Variants in TENM3 observed in about 807,000 individuals in gnomAD.
TENM3 encodes teneurin-3.
In TENM3, 63 loss-of-function variants were observed where a neutral mutation model predicts 255.1. The ratio of observed to expected loss-of-function variants is 0.25; its 90% confidence interval spans 0.20 to 0.30. The LOEUF (loss-of-function observed/expected upper bound fraction) is 0.30, where lower values mean the gene tolerates loss of function less well. Ranked by LOEUF, TENM3 falls within the 10% of genes least tolerant of loss-of-function variation. TENM3 has a pLI of 1.00. For missense variants in TENM3, 2,929 were observed against 3,461.1 expected, an observed-to-expected ratio of 0.85 and a Z score of 3.86; for synonymous variants, 1,306 against 1,322.3, an observed-to-expected ratio of 0.99 and a Z score of 0.27.
At chr4:182,100,391 C>T in the TENM3 span, among the ~76,000 whole-genome samples, 1 of 147,036 alleles carries the variant, frequency 6.8e-6, no homozygotes, top group African/African-American at 2.5e-5. Context: ...CACTTCAGGC[C>T]AGGAGTTAAC....
At chr4:182,175,808 C>T (rs112439451) in intron 1 of TENM3, among the ~76,000 whole-genome samples, 117 of 152,280 alleles carry the variant, frequency 7.7e-4, no homozygotes, top group African/African-American at 2.5e-3. Context: ...AAAGCCAACA[C>T]GCTTTTGCAT....
chr4:182,770,958 A>G (rs1362668951), intron 22 of TENM3, among the ~76,000 whole-genome samples: 6 of 152,172 alleles, frequency 3.9e-5, no homozygotes, highest in Non-Finnish European at 8.8e-5. Flanking sequence ...CCAGGGCTAA[A>G]CTGTTAAGCT....
chr4:181,852,482 T>G, the TENM3 span, among the ~76,000 whole-genome samples: 1 of 152,184 alleles, frequency 6.6e-6, no homozygotes, highest in South Asian at 2.1e-4. Context: ...ACTTTTCCTA[T>G]TTAAAATCAA....
intron 3 of TENM3, among the ~76,000 whole-genome samples, chr4:182,492,142 T>G (rs548437200): frequency 3.3e-5 from 5 of 152,176 alleles, no homozygotes; most frequent in Non-Finnish European, 7.4e-5. Flanking sequence ...CCTTATAAGC[T>G]TGAATTTATC....
At chr4:182,637,632 G>A (rs558419451) in intron 5 of TENM3, among the ~76,000 whole-genome samples, 79 of 152,244 alleles carry the variant, frequency 5.2e-4, no homozygotes, top group Admixed American at 8.5e-4. Context: ...TCATTCATCC[G>A]TCATTCATTC....
chr4:181,482,127 T>G, the TENM3 span, among the ~76,000 whole-genome samples: 1 of 152,270 alleles, frequency 6.6e-6, no homozygotes, highest in South Asian at 2.1e-4. Context: ...TTTTATTTTT[T>G]GACTGACATA....
the TENM3 span, among the ~76,000 whole-genome samples, chr4:181,896,994 C>T: frequency 3.9e-5 from 6 of 152,284 alleles, no homozygotes; most frequent in East Asian, 1.2e-3. Context: ...TATTACCCAC[C>T]TTGTGCAGCC....
intron 3 of TENM3, among the ~76,000 whole-genome samples, chr4:182,427,935 C>T (rs2151175147): frequency 6.7e-6 from 1 of 149,820 alleles, no homozygotes; most frequent in East Asian, 2.1e-4. Context: ...AAAACCCTAT[C>T]CAGCACTGTC....
chr4:182,481,261 A>T (rs10004755), intron 3 of TENM3, among the ~76,000 whole-genome samples: 1,606 of 152,294 alleles, frequency 0.011, 27 homozygotes, highest in African/African-American at 0.037. Context: ...GAAAGTCCAG[A>T]TATAAACCTA....
chr4:182,612,725 G>A (rs577439650), intron 4 of TENM3, among the ~76,000 whole-genome samples: 1 of 143,560 alleles, frequency 7.0e-6, no homozygotes, highest in East Asian at 2.0e-4. Flanking sequence ...TTCTTTAAAA[G>A]CAGATTTTAT....
At chr4:182,706,508 G>A (rs1435537373) in intron 12 of TENM3, among the ~76,000 whole-genome samples, 2 of 152,098 alleles carry the variant, frequency 1.3e-5, no homozygotes, top group African/African-American at 4.8e-5. Flanking sequence ...TGTAAATAAG[G>A]TTTTGCTCAC....
At chr4:182,540,256 C>G (rs1740730211) in intron 3 of TENM3, among the ~76,000 whole-genome samples, 1 of 152,078 alleles carries the variant, frequency 6.6e-6, no homozygotes, top group African/African-American at 2.4e-5. Context: ...TATAGAAAAA[C>G]AAGAAATTGC....
At chr4:182,727,092 G>C (rs1425057620) in intron 13 of TENM3, among the ~76,000 whole-genome samples, 2 of 152,126 alleles carry the variant, frequency 1.3e-5, no homozygotes, top group African/African-American at 4.8e-5. Context: ...TCCTAAGAGT[G>C]ATTAAAGTCT....
At chr4:181,621,488 T>C in the TENM3 span, among the ~76,000 whole-genome samples, 1 of 152,230 alleles carries the variant, frequency 6.6e-6, no homozygotes, top group African/African-American at 2.4e-5. Flanking sequence ...ATCAATTAAC[T>C]TTAATTACCC....
the TENM3 span, among the ~76,000 whole-genome samples, chr4:181,490,063 C>G: frequency 6.6e-6 from 1 of 151,900 alleles, no homozygotes; most frequent in Non-Finnish European, 1.5e-5. Context: ...TTAGTTGTAC[C>G]TATTTGTAGG....
chr4:181,533,864 C>G, the TENM3 span, among the ~76,000 whole-genome samples: 1 of 152,158 alleles, frequency 6.6e-6, no homozygotes, highest in Non-Finnish European at 1.5e-5. Flanking sequence ...ATCTTGGGTT[C>G]CCCATTATCA....
chr4:182,455,802 T>A (rs1773829096), intron 3 of TENM3, among the ~76,000 whole-genome samples: 1 of 152,126 alleles, frequency 6.6e-6, no homozygotes, highest in African/African-American at 2.4e-5. Flanking sequence ...CCTCAGGTGA[T>A]CCACCCGCCT....
At chr4:181,789,948 G>T in the TENM3 span, among the ~76,000 whole-genome samples, 1 of 152,096 alleles carries the variant, frequency 6.6e-6, no homozygotes, top group Non-Finnish European at 1.5e-5. Context: ...GTCAATTTAA[G>T]TCTTTCCCTG....
intron 6 of TENM3, among the ~76,000 whole-genome samples, chr4:182,665,887 C>T (rs975878738): frequency 1.3e-5 from 2 of 151,884 alleles, no homozygotes; most frequent in Non-Finnish European, 2.9e-5. Context: ...CAGACAGAGA[C>T]TCTGTCTCAA....
Sources: allele counts gnomAD v4.1 joint callset (sites outside exome capture counted in the v4.1 genomes callset), GRCh38; gene constraint gnomAD v4.1.1; transcripts MANE v1.5; gene names NCBI Gene and HGNC (gene_info 2026-07-23, HGNC 2026-07-21).